ZNF658: variants seen among roughly 807,000 people sequenced by gnomAD.
ZNF658 encodes zinc finger protein 658.
A neutral mutation model predicts 78.0 loss-of-function variants in ZNF658; 46 were observed. The ratio of observed to expected loss-of-function variants is 0.59; its 90% CI spans 0.47 to 0.75. The LOEUF is 0.75. Among genes scored for constraint, ZNF658 ranks in the 30% least tolerant of loss-of-function variants. ZNF658 has a pLI of 0.00. For synonymous variants in ZNF658, 279 were observed against 408.4 expected (o/e 0.68, Z 3.82); for missense variants, 785 against 1,189.3 (o/e 0.66, Z 5.00).
intron 4 of ZNF658, among the ~76,000 whole-genome samples, chr9:66,913,459 CT>C (rs759448381): frequency 6.6e-5 from 10 of 151,384 alleles, no homozygotes; most frequent in Non-Finnish European, 1.2e-4. Flanking sequence ...GAAGCCTCCT[CT>C]TCCACCCCCA....
chr9:66,905,509 C>G (rs546807015), intron 2 of ZNF658, among the ~76,000 whole-genome samples: 1 of 152,026 alleles, frequency 6.6e-6, no homozygotes, highest in East Asian at 1.9e-4. Context: ...CTTTCTGTCT[C>G]TATTCTGTTA....
chr9:66,907,247 T>C (rs1377149230), intron 2 of ZNF658, among the ~76,000 whole-genome samples: 1 of 152,122 alleles, frequency 6.6e-6, no homozygotes, highest in Non-Finnish European at 1.5e-5. Context: ...CCATCTTACC[T>C]TCTGTGCTCT....
At chr9:66,910,321 A>G (rs1169132297) in intron 4 of ZNF658, among the ~76,000 whole-genome samples, 2 of 152,162 alleles carry the variant, frequency 1.3e-5, no homozygotes, top group East Asian at 3.9e-4. Context: ...ATAAAAAAGT[A>G]AAATCATCTT....
At chr9:66,910,855 T>C (rs1822199825) in intron 4 of ZNF658, among the ~76,000 whole-genome samples, 2 of 148,290 alleles carry the variant, frequency 1.3e-5, no homozygotes, top group East Asian at 2.0e-4. Context: ...GATAAAATAA[T>C]GTAGATTTCA....
chr9:66,909,900 T>C (rs1265428487), intron 4 of ZNF658, among the ~76,000 whole-genome samples: 1 of 152,186 alleles, frequency 6.6e-6, no homozygotes, highest in African/African-American at 2.4e-5. Flanking sequence ...GAGTCTAAAA[T>C]GAAAGTACTA....
intron 1 of ZNF658, chr9:66,901,165 A>G (rs1821944405): frequency 6.6e-6 from 1 of 152,032 alleles, no homozygotes; most frequent in Admixed American, 6.6e-5. Flanking sequence ...AATAGTCACT[A>G]TGTGAAATGT....
At chr9:66,931,294 T>TTG (rs1233229084) in intron 6 of ZNF658, among the ~76,000 whole-genome samples, 33 of 149,226 alleles carry the variant, frequency 2.2e-4, no homozygotes, top group Admixed American at 4.7e-4. Context: ...TCTTTTGCAT[T>TTG]TGTGTGTGTG....
downstream of ZNF658, among the ~76,000 whole-genome samples, chr9:66,922,008 G>A (rs1369364801): frequency 1.9e-4 from 17 of 90,004 alleles, no homozygotes; most frequent in Non-Finnish European, 3.5e-4. Context: ...CCCAGTTCGA[G>A]CTTCCTGGCC....
chr9:66,920,866 A>C lies in ZNF658; in HGVS notation c.*120A>C, dbSNP rs1027042525. On this transcript the variant is annotated 3_prime_UTR_variant, in exon 5 of 5. Transcript: ENST00000621410. ...GCTCATAGTTTGTGGAAAAATCCCA[A>C]TATGCCGTTTATTCAGGTGGGGCTG... is the stretch of plus-strand genomic sequence containing the variant. 1 of 705,474 alleles carries C rather than the reference A, an allele frequency of 1.4e-6. No homozygotes were observed. Among genetic ancestry groups the C allele is most frequent in the African/African-American group, 1.8e-5 (1 of 56,058 alleles). 43.7% of individuals were successfully genotyped at this position (705,474 alleles called of 1,614,324 possible).
chr9:66,913,375 AG>A (rs1194525181), intron 4 of ZNF658, among the ~76,000 whole-genome samples: 2 of 151,816 alleles, frequency 1.3e-5, no homozygotes, highest in African/African-American at 4.8e-5. Context: ...CAGTGAGCCA[AG>A]ATTGCGCCAC....
At chr9:66,931,483 A>G (rs1822644064) in intron 6 of ZNF658, among the ~76,000 whole-genome samples, 1 of 152,134 alleles carries the variant, frequency 6.6e-6, no homozygotes, top group Admixed American at 6.5e-5. Context: ...ACGTTTATCT[A>G]TGTAGAACCA....
chr9:66,929,657 A>G (rs1822621107), intron 6 of ZNF658, among the ~76,000 whole-genome samples: 1 of 146,742 alleles, frequency 6.8e-6, no homozygotes, highest in South Asian at 2.2e-4. Flanking sequence ...ATTATGACAA[A>G]ACTCTTCAGG....
intron 4 of ZNF658, among the ~76,000 whole-genome samples, chr9:66,913,431 GAAA>G (rs56789827): frequency 7.0e-6 from 1 of 142,226 alleles, no homozygotes; most frequent in African/African-American, 2.6e-5. Flanking sequence ...CAAAAGGAAG[GAAA>G]AAAAAAAAAA....
intron 6 of ZNF658, among the ~76,000 whole-genome samples, chr9:66,930,917 CCTGG>C (rs956195690): frequency 5.3e-5 from 8 of 149,854 alleles, no homozygotes; most frequent in Non-Finnish European, 1.0e-4. Flanking sequence ...GGCCATAGGA[CCTGG>C]CTGGAAAACA....
rs1822489099 is a variant in ZNF658, at chr9:66,920,390, G to A, written c.2824G>A (p.Val942Ile). ...HTGEKPYECNVCGKPFAHNST... is the reference protein window; with the variant it reads ...HTGEKPYECNICGKPFAHNST... ...GGGGGAGAAACCCTACGAATGTAAT[G>A]TATGTGGGAAGCCATTTGCCCATAA... Residue 942 changes from valine (V) to isoleucine (I), a missense_variant, in exon 5 of 5, where the codon GTA becomes ATA. By Grantham distance (29) the Val-to-Ile change is conservative (BLOSUM62 3). Transcript: ENST00000621410. The A allele has an allele frequency of 3.7e-6, 6 of 1,612,550 alleles. No homozygotes were observed. The highest frequency in any genetic ancestry group is 2.2e-5 in the South Asian group (2 of 91,008).
chr9:66,908,141 A>AT lies in ZNF658; in HGVS notation c.16-93dup, dbSNP rs1182935038. ...CTAAAATAGGCCTTTATAACCATTC[A>AT]TTTTAGTAGTAGCTCTCAAAGATAT... On this transcript the variant is annotated intron_variant, in intron 2 of 4. Coordinates refer to ENST00000621410, the MANE Select transcript of ZNF658 (RefSeq NM_033160.7). The AT allele has an allele frequency of 1.9e-6, 3 of 1,604,238 alleles. No homozygotes were observed. The African/African-American group carries it at 4.0e-5, about 21-fold the overall frequency.
At chr9:66,904,341 C>T (rs1483528607) in intron 2 of ZNF658, among the ~76,000 whole-genome samples, 6 of 151,862 alleles carry the variant, frequency 4.0e-5, no homozygotes, top group Admixed American at 3.9e-4. Flanking sequence ...ATGTCTCACT[C>T]TGTCCTGGAA....
intron 2 of ZNF658, among the ~76,000 whole-genome samples, chr9:66,907,225 T>C (rs1822100097): frequency 6.6e-6 from 1 of 152,128 alleles, no homozygotes; most frequent in South Asian, 2.1e-4. Flanking sequence ...TCCTAAATGC[T>C]TATCTTCATC....
chr9:66,903,751 C>T (rs1587353250), intron 2 of ZNF658, among the ~76,000 whole-genome samples, 175 bp downstream of exon 2: 1 of 151,982 alleles, frequency 6.6e-6, no homozygotes, highest in Non-Finnish European at 1.5e-5. Flanking sequence ...GCAGATCCTC[C>T]GATATTACAA....
Sources: gnomAD v4.1 joint callset for allele counts (sites outside exome capture counted in the v4.1 genomes callset) on GRCh38, gnomAD v4.1.1 for gene constraint, MANE v1.5 for transcripts, NCBI Gene and HGNC (gene_info 2026-07-23, HGNC 2026-07-21) for gene names.